The following CAPN5 variants were observed in gnomAD, a reference collection of about 807,000 sequenced individuals.
CAPN5 encodes the protein calpain 5.
A neutral mutation model predicts 73.0 loss-of-function variants in CAPN5; 54 were observed. The ratio of observed to expected loss-of-function variants is 0.74; its 90% CI spans 0.59 to 0.93. The LOEUF (loss-of-function observed/expected upper bound fraction) is 0.93. Among genes scored for constraint, CAPN5 ranks in the 40% least tolerant of loss-of-function variants. The pLI is 0.00. For missense variants in CAPN5, 785 were observed against 882.9 expected (o/e 0.89, Z 1.41); for synonymous variants, 335 against 356.9 (o/e 0.94, Z 0.69).
chr11:77,106,824 G>T (rs544886532), intron 3 of CAPN5, among the ~76,000 whole-genome samples: 1 of 152,242 alleles, frequency 6.6e-6, no homozygotes, highest in African/African-American at 2.4e-5. Context: ...GGCCAGTGCC[G>T]ATGGCAGCAG....
chr11:77,069,636 G>A (rs1454743902), intron 1 of CAPN5, among the ~76,000 whole-genome samples: 1 of 152,104 alleles, frequency 6.6e-6, no homozygotes, highest in Non-Finnish European at 1.5e-5. Context: ...AGCAGGGTCT[G>A]CAACACCCCC....
At chr11:77,088,059 C>A in intron 2 of CAPN5, 1 of 1,531,540 alleles carries the variant, frequency 6.5e-7, no homozygotes, top group Non-Finnish European at 8.7e-7. Flanking sequence ...GGCCCGGGAC[C>A]TGGTAGGCGG....
chr11:77,092,962 C>T (rs551629359), intron 2 of CAPN5, among the ~76,000 whole-genome samples: 12 of 152,076 alleles, frequency 7.9e-5, no homozygotes, highest in South Asian at 4.2e-4. Flanking sequence ...GGCAAAAGAG[C>T]GAGACTGTCT....
chr11:77,084,516 G>A (rs1425607485), intron 1 of CAPN5, among the ~76,000 whole-genome samples: 8 of 152,174 alleles, frequency 5.3e-5, no homozygotes, highest in Non-Finnish European at 8.8e-5. Context: ...GGCAGGGCTG[G>A]CCACTGGTCT....
chr11:77,088,023 T>G, intron 2 of CAPN5: 1 of 1,535,888 alleles, frequency 6.5e-7, no homozygotes, highest in Non-Finnish European at 8.7e-7. Flanking sequence ...GCCTGGGAGC[T>G]CAGGGTGTCC....
rs782181798 is a variant in CAPN5 at position 77,114,426 on chromosome 11, T to C, written c.691T>C (p.Ser231Pro). ...CAGCCGGGGCGGCCTCATCAGTGCCTCCATCAAGGTGAGAACACGGCAGTC... is the reference window on the plus strand; with the variant it reads ...CAGCCGGGGCGGCCTCATCAGTGCCCCCATCAAGGTGAGAACACGGCAGTC... ...VHSRGGLISA[S>P]IKAVTAADME... Residue 231 changes from serine (S) to proline (P), a missense_variant, in exon 5 of 13, where the codon TCC becomes CCC. Coordinates refer to ENST00000648180, the MANE Select transcript of CAPN5 (RefSeq NM_004055.5). 6.2e-7 allele frequency: 1 copy of C among 1,613,976 alleles called. No homozygotes were observed. The highest frequency in any genetic ancestry group is 8.5e-7 in the Non-Finnish European group (1 of 1,179,914).
intron 3 of CAPN5, among the ~76,000 whole-genome samples, chr11:77,109,862 C>T (rs560383972): frequency 2.0e-5 from 3 of 152,286 alleles, no homozygotes; most frequent in Admixed American, 2.0e-4. Flanking sequence ...CAGAGCCAAG[C>T]CTCGAGTTTG....
intron 1 of CAPN5, among the ~76,000 whole-genome samples, chr11:77,083,582 G>T (rs1565258734): frequency 6.6e-6 from 1 of 152,216 alleles, no homozygotes; most frequent in Non-Finnish European, 1.5e-5. Context: ...GGCACTGTTG[G>T]CAGGCAGTAC....
intron 3 of CAPN5, chr11:77,102,935 G>C: frequency 1.2e-6 from 2 of 1,613,044 alleles, no homozygotes; most frequent in Non-Finnish European, 1.7e-6. Flanking sequence ...TGGAGAGCCT[G>C]AAGCAGCGCG....
chr11:77,118,399 G>A (rs200706548), intron 8 of CAPN5, 47 bp downstream of exon 8: 1 of 1,486,710 alleles, frequency 6.7e-7, no homozygotes, highest in Non-Finnish European at 9.1e-7. Context: ...CAGCTGCGGG[G>A]TGCCTTGCCA....
intron 3 of CAPN5, among the ~76,000 whole-genome samples, chr11:77,106,058 C>T (rs1301304101): frequency 1.3e-5 from 2 of 152,060 alleles, no homozygotes; most frequent in African/African-American, 2.4e-5. Context: ...GGGCTGGCTT[C>T]TTTCCTGGAG....
At position 77,123,623 on chromosome 11, in the gene CAPN5, C is replaced by T. The variant is rs782550415; in HGVS notation, c.1741-65C>T. The T allele has an allele frequency of 2.5e-4, 337 of 1,369,402 alleles. 4 individuals are homozygous for T. Among genetic ancestry groups the T allele is most frequent in the Middle Eastern group, 7.3e-4 (4 of 5,482 alleles). The allele number at this position is 1,369,402 out of a possible 1,614,324, so 84.8% of individuals were successfully genotyped here. Reference sequence around the variant, plus strand: ...CCCTGCCACCACCACCAGCACCCCCCATAGACCTATATTGCTGGTCTTGGA... The same window carrying T: ...CCCTGCCACCACCACCAGCACCCCCTATAGACCTATATTGCTGGTCTTGGA... On this transcript the variant is annotated intron_variant, in intron 12 of 12. Coordinates refer to ENST00000648180, the MANE Select transcript of CAPN5 (RefSeq NM_004055.5).
At chr11:77,116,161 G>T in intron 6 of CAPN5, 65 bp from the exon 7 acceptor site, 2 of 1,487,036 alleles carry the variant, frequency 1.3e-6, no homozygotes, top group Non-Finnish European at 1.8e-6. Flanking sequence ...GCCTTTGCCA[G>T]ACAGATTCTG....
At chr11:77,102,904 C>A (rs1555039139) in intron 3 of CAPN5, 2 of 1,612,490 alleles carry the variant, frequency 1.2e-6, no homozygotes, top group African/African-American at 1.3e-5. Context: ...CAGGGCCTGA[C>A]CAGGCAGATG....
intron 1 of CAPN5, among the ~76,000 whole-genome samples, chr11:77,082,907 A>C (rs1950042584): frequency 6.6e-6 from 1 of 152,206 alleles, no homozygotes. Context: ...TCCTGCTTTC[A>C]GCTTCTCTGA....
In CAPN5 at chr11:77,114,125, G is replaced by A. The variant is rs376463607; in HGVS notation, c.507-117G>A. 45 of 890,602 alleles carry A rather than the reference G, an allele frequency of 5.1e-5. No homozygotes were observed. In the African/African-American group the frequency reaches 7.1e-4, roughly 14 times the overall value. 55.2% of individuals were successfully genotyped at this position (890,602 alleles called of 1,614,324 possible). The stretch of plus-strand genomic sequence containing the variant: ...AGTGTTGGCTCCGCCGTGGCCTGCT[G>A]CGTGACTGTAACAGGTTGTTTGACC... On this transcript the variant is annotated intron_variant, in intron 4 of 12. Transcript: ENST00000648180.
rs1591103666 is a variant in CAPN5 at position 77,067,631 on chromosome 11, A to ATG, written c.-36+537_-36+538insTG. On this transcript the variant is annotated intron_variant, in intron 1 of 12. Coordinates refer to ENST00000648180, the MANE Select transcript of CAPN5 (RefSeq NM_004055.5). ...TTCTCCTTGACTGCAGGGCGGGCGC[A>ATG]CGTGTGTGTGTGTGTGTGTGTGTGT... Among the ~76,000 whole-genome samples the ATG allele has an allele frequency of 4.2e-4, 14 of 33,486 alleles. No homozygotes were observed. In the East Asian group the frequency reaches 8.1e-3, roughly 19 times the overall value. 22.0% of individuals were successfully genotyped at this position (33,486 alleles called of 152,430 possible).
At chr11:77,072,386 CCT>C (rs1418155436) in intron 1 of CAPN5, among the ~76,000 whole-genome samples, 1 of 152,202 alleles carries the variant, frequency 6.6e-6, no homozygotes, top group Non-Finnish European at 1.5e-5. Context: ...GAGGCCTCTG[CCT>C]CTCGCCTTCA....
At chr11:77,087,695 G>A (rs1374911172) in intron 2 of CAPN5, among the ~76,000 whole-genome samples, 9 of 152,196 alleles carry the variant, frequency 5.9e-5, no homozygotes, top group African/African-American at 2.2e-4. Flanking sequence ...TCTGGAAACC[G>A]AAATGACTTG....
Sources: gnomAD v4.1 joint callset for allele counts (sites outside exome capture counted in the v4.1 genomes callset) on GRCh38, gnomAD v4.1.1 for gene constraint, MANE v1.5 for transcripts, NCBI Gene and HGNC (gene_info 2026-07-23, HGNC 2026-07-21) for gene names.